EXOC6: variants seen among roughly 807,000 people sequenced by gnomAD.
EXOC6 encodes exocyst complex component 6.
EXOC6 carries 60 observed loss-of-function variants against 112.5 expected under a neutral mutation model. That is an observed-to-expected ratio of 0.53 (90% CI 0.43 to 0.66). The LOEUF (loss-of-function observed/expected upper bound fraction) is 0.66. Ranked by LOEUF, EXOC6 falls within the 30% of genes least tolerant of loss-of-function variation. EXOC6 has a pLI of 0.00. For synonymous variants in EXOC6, 295 were observed against 308.0 expected, an observed-to-expected ratio of 0.96 and a Z score of 0.44; for missense variants, 855 against 957.1, an observed-to-expected ratio of 0.89 and a Z score of 1.41.
chr10:93,010,679 A>G (rs1240059740), intron 19 of EXOC6, among the ~76,000 whole-genome samples: 2 of 150,044 alleles, frequency 1.3e-5, no homozygotes, highest in Non-Finnish European at 3.0e-5. Flanking sequence ...ACCCTGGATG[A>G]CAAAGCAAGA....
chr10:92,852,934 T>TA (rs538981973), intron 1 of EXOC6, among the ~76,000 whole-genome samples: 3 of 151,292 alleles, frequency 2.0e-5, no homozygotes, highest in African/African-American at 4.8e-5. Context: ...TAAGACCATT[T>TA]AAAAAAAAAG....
upstream of EXOC6, chr10:92,831,307 C>T (rs979232753): frequency 3.9e-6 from 5 of 1,288,444 alleles, no homozygotes; most frequent in African/African-American, 3.0e-5. Flanking sequence ...GCCGGCTGTA[C>T]CGGAAGAGGA....
chr10:92,991,435 C>CAAAAAAAA (rs1449664701), intron 18 of EXOC6, among the ~76,000 whole-genome samples: 2 of 48,840 alleles, frequency 4.1e-5, no homozygotes, highest in African/African-American at 6.4e-5. Flanking sequence ...GACTCCATCT[C>CAAAAAAAA]AAAAAAAAAA....
chr10:92,958,219 AC>A (rs1262104551), intron 17 of EXOC6, among the ~76,000 whole-genome samples: 3 of 152,222 alleles, frequency 2.0e-5, no homozygotes, highest in African/African-American at 7.2e-5. Flanking sequence ...CAATTAGAGA[AC>A]TACTTAAAGC....
exon 1 of EXOC6, chr10:92,834,719 A>G (rs1009066413): frequency 1.3e-6 from 2 of 1,592,384 alleles, no homozygotes; most frequent in African/African-American, 1.3e-5. Context: ...GCAGCTGGAA[A>G]ATTAGGGGCC....
At chr10:92,845,798 CGTG>C (rs1847030570), upstream of EXOC6, among the ~76,000 whole-genome samples, 1 of 150,158 alleles carries the variant, frequency 6.7e-6, no homozygotes, top group South Asian at 2.1e-4. Flanking sequence ...ATTAGCTGGG[CGTG>C]GTGGCACGTG....
intron 20 of EXOC6, among the ~76,000 whole-genome samples, chr10:93,021,772 T>G (rs191215168): frequency 6.6e-6 from 1 of 152,314 alleles, no homozygotes; most frequent in Non-Finnish European, 1.5e-5. Flanking sequence ...AAGGACAGCT[T>G]TAAGAGGAGA....
chr10:92,947,703 A>G (rs748806781), intron 13 of EXOC6, among the ~76,000 whole-genome samples: 1 of 152,146 alleles, frequency 6.6e-6, no homozygotes, highest in African/African-American at 2.4e-5. Flanking sequence ...AGGTCAGGAG[A>G]TCGAGACCAT....
At chr10:92,874,411 T>C (rs1406605042) in intron 1 of EXOC6, among the ~76,000 whole-genome samples, 2 of 141,826 alleles carry the variant, frequency 1.4e-5, no homozygotes, top group African/African-American at 2.5e-5. Context: ...CTTCCCATTC[T>C]TTATATTGTG....
intron 19 of EXOC6, among the ~76,000 whole-genome samples, chr10:93,007,008 A>C: frequency 6.9e-6 from 1 of 144,550 alleles, no homozygotes; most frequent in Non-Finnish European, 1.5e-5. Flanking sequence ...TTACCCCCTG[A>C]CAATTCTTCC....
intron 1 of EXOC6, among the ~76,000 whole-genome samples, chr10:92,885,253 T>C (rs1755623772): frequency 6.6e-6 from 1 of 152,222 alleles, no homozygotes; most frequent in South Asian, 2.1e-4. Context: ...AAAATTTTTT[T>C]AGCTATATTT....
chr10:92,987,694 C>T (rs1843066001), intron 18 of EXOC6: 1 of 856,178 alleles, frequency 1.2e-6, no homozygotes, highest in African/African-American at 1.8e-5. Flanking sequence ...TAATGAATTT[C>T]CTGCAGGCTT....
chr10:92,977,174 A>C (rs1842655406), intron 18 of EXOC6, among the ~76,000 whole-genome samples: 1 of 152,160 alleles, frequency 6.6e-6, no homozygotes, highest in Non-Finnish European at 1.5e-5. Flanking sequence ...TAACTCCCAC[A>C]AGCTTAGTGT....
chr10:92,988,841 G>T (rs959648493), intron 18 of EXOC6, among the ~76,000 whole-genome samples: 1 of 126,044 alleles, frequency 7.9e-6, no homozygotes, highest in Non-Finnish European at 1.6e-5. Context: ...ACACACACAC[G>T]CATTTCTGAC....
upstream of EXOC6, among the ~76,000 whole-genome samples, chr10:92,832,018 G>T (rs1342764771): frequency 3.9e-5 from 6 of 152,176 alleles, no homozygotes; most frequent in African/African-American, 1.4e-4. Context: ...AGATGTATGT[G>T]TTCATGAATA....
At chr10:92,853,157 TACTC>T (rs1037224460) in intron 1 of EXOC6, among the ~76,000 whole-genome samples, 2 of 152,154 alleles carry the variant, frequency 1.3e-5, no homozygotes, top group African/African-American at 2.4e-5. Flanking sequence ...AAATATGAAA[TACTC>T]AGGGATAAAT....
At position 92,848,642 on chromosome 10, in the gene EXOC6, T is replaced by G; in HGVS notation, c.101+8T>G. On this transcript the variant is annotated splice_region_variant and intron_variant, in intron 1 of 21. Transcript: ENST00000260762. ...TGTGGGGCCCACCCTCCGGTAAAGA[T>G]CTCATCCCACCGGGACTTCGGCCCC... 3 of 1,390,692 alleles carry G rather than the reference T, an allele frequency of 2.2e-6. No homozygotes were observed. Among genetic ancestry groups the G allele is most frequent in the East Asian group, 3.8e-5 (1 of 26,432 alleles). The allele number at this position is 1,390,692 out of a possible 1,614,324, so 86.1% of individuals were successfully genotyped here. A position where few individuals can be genotyped will look rare whatever the true frequency, so the allele number is the denominator to read the frequency against.
At chr10:92,850,692 C>G (rs1847283717) in intron 1 of EXOC6, among the ~76,000 whole-genome samples, 1 of 152,288 alleles carries the variant, frequency 6.6e-6, no homozygotes, top group Non-Finnish European at 1.5e-5. Context: ...TATCTACTCC[C>G]TATCATCTTG....
intron 13 of EXOC6, among the ~76,000 whole-genome samples, chr10:92,947,325 T>C (rs935664977): frequency 1.3e-5 from 2 of 152,202 alleles, no homozygotes; most frequent in Admixed American, 1.3e-4. Flanking sequence ...CACAATTGGC[T>C]CATAAAGGCT....
Sources: gnomAD v4.1 joint callset for allele counts (sites outside exome capture counted in the v4.1 genomes callset) on GRCh38, gnomAD v4.1.1 for gene constraint, MANE v1.5 for transcripts, NCBI Gene and HGNC (gene_info 2026-07-23, HGNC 2026-07-21) for gene names.